SPMIP3: variants seen among roughly 807,000 people sequenced by gnomAD.
The protein encoded by SPMIP3 is protein SPMIP3.
chr1:244,361,784 A>C, the SPMIP3 span, among the ~76,000 whole-genome samples: 1 of 152,210 alleles, frequency 6.6e-6, no homozygotes, highest in South Asian at 2.1e-4. Flanking sequence ...ACTGATTCAG[A>C]ATTTCTAGGC....
At chr1:244,381,722 G>C in the SPMIP3 span, among the ~76,000 whole-genome samples, 1 of 152,326 alleles carries the variant, frequency 6.6e-6, no homozygotes, top group Non-Finnish European at 1.5e-5. Flanking sequence ...CCTGAGGTGA[G>C]AAGTTCGAGA....
At chr1:244,354,766 G>A in the SPMIP3 span, among the ~76,000 whole-genome samples, 1 of 152,200 alleles carries the variant, frequency 6.6e-6, no homozygotes, top group Non-Finnish European at 1.5e-5. Flanking sequence ...CTTGAGGAAA[G>A]CTTTTCAGAT....
At chr1:244,379,074 G>GC in the SPMIP3 span, among the ~76,000 whole-genome samples, 2 of 151,770 alleles carry the variant, frequency 1.3e-5, no homozygotes, top group African/African-American at 4.8e-5. Flanking sequence ...GACTACAGGC[G>GC]CCGCCACCAC....
the SPMIP3 span, among the ~76,000 whole-genome samples, chr1:244,370,845 T>G: frequency 6.6e-6 from 1 of 152,184 alleles, no homozygotes; most frequent in Non-Finnish European, 1.5e-5. Flanking sequence ...ACTTTACTAC[T>G]TAAAAAGTCC....
the SPMIP3 span, among the ~76,000 whole-genome samples, chr1:244,380,002 G>A: frequency 2.2e-3 from 334 of 151,804 alleles, 2 homozygotes; most frequent in African/African-American, 7.6e-3. Flanking sequence ...GAGGCTCCCC[G>A]ACGTATAGGA....
chr1:244,384,396 T>C, the SPMIP3 span, among the ~76,000 whole-genome samples: 2 of 151,946 alleles, frequency 1.3e-5, no homozygotes, highest in Non-Finnish European at 2.9e-5. Context: ...TAGAGACAGG[T>C]TCTTACTATG....
the SPMIP3 span, among the ~76,000 whole-genome samples, chr1:244,361,493 T>C: frequency 6.6e-6 from 1 of 152,056 alleles, no homozygotes; most frequent in African/African-American, 2.4e-5. Context: ...CCTCTCAAAG[T>C]GCTGGGATTA....
chr1:244,354,541 T>C, the SPMIP3 span, among the ~76,000 whole-genome samples: 3 of 152,046 alleles, frequency 2.0e-5, no homozygotes, highest in African/African-American at 4.8e-5. Flanking sequence ...TGTGTATTTT[T>C]AGTAGAAACA....
the SPMIP3 span, among the ~76,000 whole-genome samples, chr1:244,387,481 G>C: frequency 7.2e-6 from 1 of 139,742 alleles, no homozygotes; most frequent in East Asian, 2.1e-4. Context: ...ATTTAGGAAC[G>C]GCAGTATCAC....
At chr1:244,373,774 G>T in the SPMIP3 span, among the ~76,000 whole-genome samples, 30 of 151,896 alleles carry the variant, frequency 2.0e-4, no homozygotes, top group South Asian at 5.8e-3. Flanking sequence ...TCTCATTACA[G>T]TCTTATAACT....
chr1:244,353,824 G>A, the SPMIP3 span, among the ~76,000 whole-genome samples: 4 of 152,258 alleles, frequency 2.6e-5, no homozygotes, highest in South Asian at 8.3e-4. Context: ...AGCAACAGGG[G>A]ACTATCAAAG....
At chr1:244,380,382 A>T in the SPMIP3 span, among the ~76,000 whole-genome samples, 1 of 152,090 alleles carries the variant, frequency 6.6e-6, no homozygotes, top group African/African-American at 2.4e-5. Flanking sequence ...GGCCTCCCAA[A>T]GTGGTGGGAT....
the SPMIP3 span, among the ~76,000 whole-genome samples, chr1:244,374,020 G>C: frequency 6.6e-6 from 1 of 152,108 alleles, no homozygotes; most frequent in Non-Finnish European, 1.5e-5. Context: ...GGCTGAGGCA[G>C]GAGAATCACT....
the SPMIP3 span, chr1:244,364,869 G>A: frequency 8.8e-7 from 1 of 1,134,552 alleles, no homozygotes; most frequent in Non-Finnish European, 1.3e-6. Flanking sequence ...CTGCCAGGGA[G>A]TTCTAGGGAA....
the SPMIP3 span, among the ~76,000 whole-genome samples, chr1:244,368,862 G>A: frequency 6.6e-6 from 1 of 152,152 alleles, no homozygotes; most frequent in Non-Finnish European, 1.5e-5. Context: ...TAAAATTCTT[G>A]TATTCATCAT....
the SPMIP3 span, among the ~76,000 whole-genome samples, chr1:244,382,756 AC>A: frequency 2.0e-4 from 31 of 151,916 alleles, no homozygotes; most frequent in East Asian, 5.8e-3. Context: ...GGCGCGCACC[AC>A]CAGGCCCAGC....
chr1:244,378,582 C>CATT, the SPMIP3 span: 3 of 1,614,172 alleles, frequency 1.9e-6, no homozygotes, highest in Non-Finnish European at 2.5e-6. Flanking sequence ...GCCTGCCGAG[C>CATT]CATGGTATAA....
At chr1:244,388,019 C>G in the SPMIP3 span, among the ~76,000 whole-genome samples, 9 of 151,934 alleles carry the variant, frequency 5.9e-5, no homozygotes, top group Non-Finnish European at 1.3e-4. Context: ...CCTCCGCCTC[C>G]CGGGTTCATG....
the SPMIP3 span, among the ~76,000 whole-genome samples, chr1:244,373,869 T>C: frequency 3.3e-5 from 5 of 152,196 alleles, no homozygotes; most frequent in South Asian, 2.1e-4. Flanking sequence ...ATCCCAGCAC[T>C]TTGGGAGGCC....
Sources: gnomAD v4.1 joint callset for allele counts (sites outside exome capture counted in the v4.1 genomes callset) on GRCh38, gnomAD v4.1.1 for gene constraint, MANE v1.5 for transcripts, NCBI Gene and HGNC (gene_info 2026-07-23, HGNC 2026-07-21) for gene names.